The following ARL15 variants were observed in gnomAD, a reference collection of about 807,000 sequenced individuals.
ARL15 encodes ARF like GTPase 15.
ARL15 carries 19 observed loss-of-function variants against 25.2 expected under a neutral mutation model. The ratio of observed to expected loss-of-function variants is 0.75; its 90% confidence interval spans 0.53 to 1.10. The LOEUF is 1.10. Ranked by LOEUF, ARL15 falls within the 50% of genes least tolerant of loss-of-function variation. The pLI, the probability that ARL15 is intolerant of heterozygous loss-of-function variation, is 0.00. For synonymous variants in ARL15, 94 were observed against 86.8 expected (o/e 1.08, Z -0.46); for missense variants, 220 against 246.0 (o/e 0.89, Z 0.71).
intron 1 of ARL15, among the ~76,000 whole-genome samples, chr5:54,257,972 T>G (rs1013968233): frequency 6.6e-6 from 1 of 152,112 alleles, no homozygotes; most frequent in Non-Finnish European, 1.5e-5. Context: ...CTGTAGACAC[T>G]GGCTAAGTCA....
chr5:53,949,357 C>T (rs1432929409), intron 4 of ARL15, among the ~76,000 whole-genome samples: 1 of 152,132 alleles, frequency 6.6e-6, no homozygotes, highest in Admixed American at 6.5e-5. Flanking sequence ...GAAGACAGCA[C>T]TTATAACAGT....
chr5:54,308,092 A>C (rs1758807681), intron 1 of ARL15: 1 of 152,260 alleles, frequency 6.6e-6, no homozygotes, highest in African/African-American at 2.4e-5. Context: ...AATCCGAAAG[A>C]CAGGAAGAGA....
chr5:54,196,797 T>C (rs947415654), intron 1 of ARL15, among the ~76,000 whole-genome samples: 4 of 152,182 alleles, frequency 2.6e-5, no homozygotes, highest in Admixed American at 6.6e-5. Context: ...TATTTGAGTA[T>C]ATTAAACTGA....
chr5:54,289,043 G>C (rs979202358), intron 1 of ARL15, among the ~76,000 whole-genome samples: 1 of 152,142 alleles, frequency 6.6e-6, no homozygotes, highest in Non-Finnish European at 1.5e-5. Flanking sequence ...ACAACTAGAA[G>C]AACTCAGCCC....
chr5:54,102,151 T>A (rs1011637530), intron 4 of ARL15, among the ~76,000 whole-genome samples: 12 of 151,960 alleles, frequency 7.9e-5, no homozygotes, highest in African/African-American at 1.7e-4. Context: ...TAGCTGGAAT[T>A]ACAGGCGTGC....
chr5:54,045,271 C>T (rs1331061744), intron 4 of ARL15, among the ~76,000 whole-genome samples: 1 of 152,082 alleles, frequency 6.6e-6, no homozygotes, highest in Admixed American at 6.5e-5. Context: ...AGTATAGTTG[C>T]ATAACAAAGC....
intron 2 of ARL15, among the ~76,000 whole-genome samples, chr5:54,165,638 T>G (rs955336343): frequency 3.3e-5 from 5 of 151,534 alleles, no homozygotes; most frequent in African/African-American, 9.7e-5. Context: ...TTTGTACTAC[T>G]TTGTTCTCAA....
At chr5:53,927,437 A>G (rs1249242661) in intron 4 of ARL15, among the ~76,000 whole-genome samples, 2 of 152,172 alleles carry the variant, frequency 1.3e-5, no homozygotes, top group Non-Finnish European at 2.9e-5. Flanking sequence ...AAGTGGTTAT[A>G]CATTTGGCTC....
At chr5:53,972,981 A>G (rs573018884) in intron 4 of ARL15, among the ~76,000 whole-genome samples, 71 of 152,252 alleles carry the variant, frequency 4.7e-4, no homozygotes, top group African/African-American at 1.7e-3. Flanking sequence ...AATATTAATT[A>G]CTTTTTACTC....
chr5:54,299,521 T>C (rs1758558082), intron 1 of ARL15, among the ~76,000 whole-genome samples: 1 of 149,720 alleles, frequency 6.7e-6, no homozygotes, highest in East Asian at 2.0e-4. Context: ...GCACTGTGCC[T>C]CCTGCAAAAT....
intron 1 of ARL15, among the ~76,000 whole-genome samples, chr5:54,215,327 T>G (rs1756164017): frequency 6.6e-6 from 1 of 152,090 alleles, no homozygotes; most frequent in South Asian, 2.1e-4. Flanking sequence ...GGTGAACCAT[T>G]ACCATAAATC....
chr5:54,282,524 G>T, intron 1 of ARL15: 1 of 985,368 alleles, frequency 1.0e-6, no homozygotes, highest in Non-Finnish European at 1.2e-6. Context: ...TGGGGCATGT[G>T]GCTTTATCTT....
chr5:53,916,710 A>G (rs1433314895), intron 4 of ARL15, among the ~76,000 whole-genome samples: 3 of 152,184 alleles, frequency 2.0e-5, no homozygotes, highest in African/African-American at 7.2e-5. Context: ...GTATGAAACA[A>G]GAAAAAGGCC....
chr5:54,257,725 A>G (rs1448876904), intron 1 of ARL15, among the ~76,000 whole-genome samples: 16 of 152,236 alleles, frequency 1.1e-4, no homozygotes, highest in Non-Finnish European at 8.8e-5. Context: ...GTCAGAGAAG[A>G]GGATACTGGT....
chr5:54,299,276 C>A (rs1226649666), intron 1 of ARL15, among the ~76,000 whole-genome samples: 1 of 152,162 alleles, frequency 6.6e-6, no homozygotes, highest in Non-Finnish European at 1.5e-5. Context: ...CCAGCAGTGG[C>A]TGAGGCCGTA....
intron 4 of ARL15, among the ~76,000 whole-genome samples, chr5:53,918,482 G>A (rs1745729654): frequency 6.6e-6 from 1 of 152,104 alleles, no homozygotes; most frequent in African/African-American, 2.4e-5. Context: ...GTAAGTCACT[G>A]CTGCTAGCCG....
At chr5:53,912,680 G>T (rs960243153) in intron 4 of ARL15, among the ~76,000 whole-genome samples, 1 of 152,162 alleles carries the variant, frequency 6.6e-6, no homozygotes, top group Non-Finnish European at 1.5e-5. Context: ...TTGATTGGTG[G>T]CTTCCCACAT....
intron 3 of ARL15, among the ~76,000 whole-genome samples, chr5:54,146,144 T>C (rs1398386575): frequency 6.6e-6 from 1 of 151,918 alleles, no homozygotes; most frequent in Non-Finnish European, 1.5e-5. Context: ...ATTTTATGTA[T>C]ATACCCTGCC....
intron 1 of ARL15, among the ~76,000 whole-genome samples, chr5:54,302,029 GGA>G (rs1458464696): frequency 6.6e-6 from 1 of 152,184 alleles, no homozygotes; most frequent in Non-Finnish European, 1.5e-5. Flanking sequence ...GCACACTGAA[GGA>G]GAGAGTGGGT....
Sources: gnomAD v4.1 joint callset for allele counts (sites outside exome capture counted in the v4.1 genomes callset) on GRCh38, gnomAD v4.1.1 for gene constraint, MANE v1.5 for transcripts, NCBI Gene and HGNC (gene_info 2026-07-23, HGNC 2026-07-21) for gene names.